RHOBTB1: variants seen among roughly 807,000 people sequenced by gnomAD.
RHOBTB1 encodes rho-related BTB domain-containing protein 1.
RHOBTB1 carries 40 observed loss-of-function variants against 71.6 expected under a neutral mutation model. That is an observed-to-expected ratio of 0.56 (90% CI 0.43 to 0.73). The LOEUF (loss-of-function observed/expected upper bound fraction) is 0.73. RHOBTB1 is among the 30% of genes least tolerant of loss of function. The pLI is 0.00. For synonymous variants in RHOBTB1, 319 were observed against 334.9 expected, an observed-to-expected ratio of 0.95 and a Z score of 0.52; for missense variants, 797 against 894.0, an observed-to-expected ratio of 0.89 and a Z score of 1.38.
chr10:60,901,869 C>T (rs1339717903), intron 4 of RHOBTB1, among the ~76,000 whole-genome samples: 1 of 152,210 alleles, frequency 6.6e-6, no homozygotes, highest in East Asian at 1.9e-4. Flanking sequence ...CCTCATTAAT[C>T]GCACTCCTGT....
chr10:60,939,149 T>C (rs564162129), intron 2 of RHOBTB1, among the ~76,000 whole-genome samples: 4 of 152,208 alleles, frequency 2.6e-5, no homozygotes, highest in Non-Finnish European at 5.9e-5. Context: ...AACTTGCTAA[T>C]TCGTTCTTTA....
intron 2 of RHOBTB1, among the ~76,000 whole-genome samples, chr10:60,925,696 G>C (rs536439969): frequency 6.6e-6 from 1 of 151,812 alleles, no homozygotes; most frequent in Non-Finnish European, 1.5e-5. Flanking sequence ...AAGAAGACCC[G>C]AATAAATAAA....
intron 1 of RHOBTB1, among the ~76,000 whole-genome samples, chr10:60,992,892 C>T (rs1383442311): frequency 6.6e-6 from 1 of 152,092 alleles, no homozygotes; most frequent in East Asian, 1.9e-4. Context: ...CACAAATCCA[C>T]ATAATGTTCT....
At chr10:60,906,874 G>A (rs570814146) in intron 4 of RHOBTB1, among the ~76,000 whole-genome samples, 1 of 152,204 alleles carries the variant, frequency 6.6e-6, no homozygotes, top group African/African-American at 2.4e-5. Context: ...ATATGGTTTG[G>A]CTGTGTCCCC....
chr10:61,000,706 G>A (rs933987674), intron 1 of RHOBTB1, among the ~76,000 whole-genome samples: 1 of 151,982 alleles, frequency 6.6e-6, no homozygotes, highest in Admixed American at 6.5e-5. Flanking sequence ...AATCAAGTGA[G>A]TATTCAAGCT....
In RHOBTB1 at chr10:60,888,743, C is replaced by T. The variant is rs1392880424; in HGVS notation, c.925G>A (p.Gly309Arg). 1 of 1,614,196 alleles carries T rather than the reference C, an allele frequency of 6.2e-7. No individual in the cohort carries two copies. The highest frequency in any genetic ancestry group is 8.5e-7 in the Non-Finnish European group (1 of 1,180,026). ...ECEESPNGSE[G>R]ACEKEKQSRD... ...CTCTGCTTCTCTTTCTCACAGGCTC[C>T]TTCACTCCCATTTGGGGATTCTTCA... The change falls in exon 6 of 11, where the codon GGA becomes AGA. Residue 309 changes from glycine (G) to arginine (R), a missense_variant. Around this residue, in one of 2 missense-constraint regions of RHOBTB1, gnomAD observed 658 missense variants for 681.5 expected, o/e 0.97. Coordinates refer to ENST00000337910, the MANE Select transcript of RHOBTB1 (RefSeq NM_014836.5).
At chr10:60,862,652 C>T in the RHOBTB1 span, among the ~76,000 whole-genome samples, 3 of 145,612 alleles carry the variant, frequency 2.1e-5, no homozygotes, top group East Asian at 6.0e-4. Flanking sequence ...TTCTCCCTTT[C>T]TTTTTTCTTT....
Position 60,917,457 on chromosome 10 carries a change from C to T in RHOBTB1, c.-10-5905G>A, listed in dbSNP as rs923068739. Reference sequence around the variant, plus strand: ...TTAGCCAACAGAAATTCATTTCTCACAGTTCTGGAGGCTGGAAGTCTGACA... The same window carrying T: ...TTAGCCAACAGAAATTCATTTCTCATAGTTCTGGAGGCTGGAAGTCTGACA... On this transcript the variant is annotated intron_variant, in intron 2 of 10. Coordinates refer to ENST00000337910, the MANE Select transcript of RHOBTB1 (RefSeq NM_014836.5). Among the ~76,000 whole-genome samples the T allele has an allele frequency of 6.6e-5, 10 of 152,338 alleles. No homozygotes were observed. In the South Asian group the frequency reaches 2.1e-3, roughly 32 times the overall value.
At chr10:60,881,022 G>GT (rs1564773106) in intron 7 of RHOBTB1, among the ~76,000 whole-genome samples, 1 of 152,232 alleles carries the variant, frequency 6.6e-6, no homozygotes, top group Non-Finnish European at 1.5e-5. Context: ...ATTCCCACGT[G>GT]TTGTGGGAGA....
chr10:60,998,859 G>C lies in RHOBTB1; in HGVS notation c.-163+2540C>G, dbSNP rs578257442. Among the ~76,000 whole-genome samples, 241 of 152,338 alleles carry C rather than the reference G, an allele frequency of 1.6e-3. 3 individuals are homozygous for C. Among genetic ancestry groups the C allele is most frequent in the Admixed American group, 0.016 (238 of 15,302 alleles). ...CAGTGCAGAATGTGAACTCTTCTTA[G>C]AGACTGCAACGCAGCAGGAAGTACC... is the stretch of plus-strand genomic sequence containing the variant. On this transcript the variant is annotated intron_variant, in intron 1 of 11. Coordinates refer to the RHOBTB1 transcript ENST00000357917.
At chr10:60,900,233 G>C (rs1054104078) in intron 4 of RHOBTB1, among the ~76,000 whole-genome samples, 1 of 152,158 alleles carries the variant, frequency 6.6e-6, no homozygotes, top group African/African-American at 2.4e-5. Flanking sequence ...TCAGCGGATA[G>C]GGAGGGAAAG....
chr10:60,878,013 C>A lies in RHOBTB1; in HGVS notation c.1621G>T (p.Asp541Tyr). Residue 541 changes from aspartate (D) to tyrosine (Y), a missense_variant, in exon 8 of 11, where the codon GAT (aspartate) becomes TAT (tyrosine). Transcript: ENST00000337910. ...GACAACTGCTTGGTATAGAGATAAT[C>A]CAATACTGCTTGCATTGATATCTTG... ...INKISMQAVL[D>Y]YLYTKQLSPN... 1.1e-5 allele frequency: 17 copies of A among 1,613,184 alleles called. No individual in the cohort carries two copies. Among genetic ancestry groups the A allele is most frequent in the Non-Finnish European group, 1.4e-5 (17 of 1,179,290 alleles).
chr10:60,884,843 T>C (rs761631048), intron 7 of RHOBTB1, among the ~76,000 whole-genome samples: 1 of 151,934 alleles, frequency 6.6e-6, no homozygotes, highest in South Asian at 2.1e-4. Flanking sequence ...AGGGGGTGAA[T>C]GGGGAAAGGA....
At chr10:60,894,016 C>T (rs1329118465) in intron 4 of RHOBTB1, among the ~76,000 whole-genome samples, 1 of 152,138 alleles carries the variant, frequency 6.6e-6, no homozygotes, top group Non-Finnish European at 1.5e-5. Context: ...TAAACTCTTA[C>T]AATTTCATTA....
At chr10:60,867,072 G>T (rs1426133707), downstream of RHOBTB1, among the ~76,000 whole-genome samples, 1 of 152,092 alleles carries the variant, frequency 6.6e-6, no homozygotes, top group Non-Finnish European at 1.5e-5. Flanking sequence ...CTTGGCATAT[G>T]GGTGCCTTAC....
At chr10:60,936,048 G>C (rs2084561095) in intron 2 of RHOBTB1, among the ~76,000 whole-genome samples, 2 of 152,190 alleles carry the variant, frequency 1.3e-5, no homozygotes, top group Admixed American at 1.3e-4. Flanking sequence ...TATATGTGTA[G>C]GTGTTACACT....
chr10:60,931,984 C>T (rs1245694814), intron 2 of RHOBTB1, among the ~76,000 whole-genome samples: 3 of 152,120 alleles, frequency 2.0e-5, no homozygotes, highest in Admixed American at 2.0e-4. Flanking sequence ...AAACAGGGCA[C>T]ATGAAATATT....
upstream of RHOBTB1, among the ~76,000 whole-genome samples, chr10:60,948,259 G>A (rs759091750): frequency 2.7e-4 from 41 of 151,982 alleles, no homozygotes; most frequent in Non-Finnish European, 4.9e-4. Flanking sequence ...CCATCCCAAG[G>A]GAACTCTATT....
intron 2 of RHOBTB1, among the ~76,000 whole-genome samples, chr10:60,919,884 T>G (rs930663010): frequency 6.6e-6 from 1 of 152,224 alleles, no homozygotes; most frequent in Non-Finnish European, 1.5e-5. Context: ...CTACCTTATG[T>G]GCTGTTCTTA....
Sources: gnomAD v4.1 joint callset for allele counts (sites outside exome capture counted in the v4.1 genomes callset) on GRCh38, gnomAD v4.1.1 for gene constraint, gnomAD v4.1.1 regional missense constraint, MANE v1.5 for transcripts, NCBI Gene and HGNC (gene_info 2026-07-23, HGNC 2026-07-21) for gene names.